Variants in PLPP1 observed in about 807,000 individuals in gnomAD.
PLPP1 encodes the protein lipid phosphate phosphohydrolase 1a.
Under a neutral mutation model 31.2 loss-of-function variants are expected in PLPP1, and 24 were observed. The ratio of observed to expected loss-of-function variants is 0.77; its 90% confidence interval spans 0.56 to 1.08. The LOEUF (loss-of-function observed/expected upper bound fraction) is 1.08. Ranked by LOEUF, PLPP1 falls within the 50% of genes least tolerant of loss-of-function variation. The pLI is 0.00. For missense variants in PLPP1, 319 were observed against 342.7 expected (o/e 0.93, Z 0.55); for synonymous variants, 146 against 126.3 (o/e 1.16, Z -1.05).
rs1753439491 is a variant in PLPP1, at chr5:55,512,478, AAAAAAGAAAG to A, written c.58+22084_58+22093del. Among the ~76,000 whole-genome samples, 2 of 123,682 alleles carry A rather than the reference AAAAAAGAAAG, an allele frequency of 1.6e-5. 1 individual carries two copies. The highest frequency in any genetic ancestry group is 6.9e-5 in the African/African-American group (2 of 29,168). 81.1% of individuals were successfully genotyped at this position (123,682 alleles called of 152,430 possible). A position where few individuals can be genotyped will look rare whatever the true frequency, so the allele number is the denominator to read the frequency against. On this transcript the variant is annotated intron_variant, in intron 1 of 5. Transcript: ENST00000307259. ...AGAGCAAGACTGTCTCAAAAAAAAA[AAAAAAGAAAG>A]AAAGAAAGAAAAGAAAAGAAAAGAA... is the stretch of plus-strand genomic sequence containing the variant.
intron 1 of PLPP1, among the ~76,000 whole-genome samples, chr5:55,529,383 T>G (rs1302217291): frequency 6.6e-6 from 1 of 152,096 alleles, no homozygotes; most frequent in Non-Finnish European, 1.5e-5. Context: ...AAGTTTCTAA[T>G]AAGAGTTTCA....
chr5:55,524,861 G>T (rs1753748092), intron 1 of PLPP1, among the ~76,000 whole-genome samples: 1 of 152,144 alleles, frequency 6.6e-6, no homozygotes, highest in Non-Finnish European at 1.5e-5. Context: ...TATAAGTGGA[G>T]TAATCATTCC....
At position 55,475,316 on chromosome 5, in the gene PLPP1, G is replaced by A; in HGVS notation, c.193C>T (p.Pro65Ser). ...PYALLGGIII[P>S]FSIIVIILGE... is the part of the protein sequence containing the mutation. ...TAACTTACAACGATAATACTGAATG[G>A]AATGATTATTCCACCTAATAACGCA... The change falls in exon 2 of 6, where the codon CCA (proline) becomes TCA (serine). Residue 65 changes from proline (P) to serine (S), a missense_variant. Coordinates refer to ENST00000307259, the MANE Select transcript of PLPP1 (RefSeq NM_003711.4). 1 of 1,610,452 alleles carries A rather than the reference G, an allele frequency of 6.2e-7. No individual in the cohort carries two copies. The highest frequency in any genetic ancestry group is 8.5e-7 in the Non-Finnish European group (1 of 1,178,694).
chr5:55,509,591 G>A (rs942260790), intron 1 of PLPP1, among the ~76,000 whole-genome samples: 10 of 152,250 alleles, frequency 6.6e-5, no homozygotes, highest in African/African-American at 2.2e-4. Context: ...GTAGTTTTAC[G>A]TCAGTAATTG....
At chr5:55,425,621 C>CTAT in intron 5 of PLPP1, 1 of 453,294 alleles carries the variant, frequency 2.2e-6, no homozygotes, top group Non-Finnish European at 3.7e-6. Context: ...CCTAAAAAAA[C>CTAT]TATTTCTAGC....
chr5:55,472,775 G>A (rs957075424), intron 2 of PLPP1, among the ~76,000 whole-genome samples: 2 of 40,550 alleles, frequency 4.9e-5, no homozygotes, highest in Non-Finnish European at 1.3e-4. Flanking sequence ...AAGAGGAAGA[G>A]GAAGAAGAAG....
intron 1 of PLPP1, among the ~76,000 whole-genome samples, chr5:55,498,834 CT>C (rs1753058156): frequency 6.6e-6 from 1 of 152,184 alleles, no homozygotes; most frequent in Admixed American, 6.5e-5. Flanking sequence ...AATAAACAAA[CT>C]GAATATACCC....
chr5:55,525,318 T>C (rs1390678545), intron 1 of PLPP1, among the ~76,000 whole-genome samples: 1 of 152,194 alleles, frequency 6.6e-6, no homozygotes, highest in African/African-American at 2.4e-5. Context: ...GGTACTTTCA[T>C]TATATAGCTA....
chr5:55,477,396 C>CT (rs3070044), intron 1 of PLPP1, among the ~76,000 whole-genome samples: 4,743 of 133,228 alleles, frequency 0.036, 327 homozygotes, highest in African/African-American at 0.12. Flanking sequence ...TTTTTCTTTT[C>CT]TTTTTTTTTT....
chr5:55,438,568 T>C (rs1212422468), intron 4 of PLPP1, among the ~76,000 whole-genome samples: 5 of 151,822 alleles, frequency 3.3e-5, no homozygotes, highest in Non-Finnish European at 5.9e-5. Context: ...ACAAGATGAG[T>C]CATTGCTCAA....
rs532819767 is a variant in PLPP1, at chr5:55,452,277, G to C, written c.492-10369C>G. ...TAGTGCCATCCCCTTGGTGATGAGT[G>C]AGTTCTCACTCAGTTCACATGAGAT... On this transcript the variant is annotated intron_variant, in intron 3 of 5. Transcript: ENST00000307259. 1.7e-4 allele frequency among the ~76,000 whole-genome samples: 26 copies of C among 152,262 alleles called. 1 individual carries two copies. In the South Asian group the frequency reaches 5.0e-3, roughly 29 times the overall value.
chr5:55,429,705 A>G (rs1440512590), intron 4 of PLPP1, among the ~76,000 whole-genome samples: 4 of 151,832 alleles, frequency 2.6e-5, no homozygotes, highest in African/African-American at 4.8e-5. Flanking sequence ...GCATATCCAC[A>G]TCTCTGAAGC....
chr5:55,533,209 C>G (rs2111968946), intron 1 of PLPP1, among the ~76,000 whole-genome samples: 1 of 151,978 alleles, frequency 6.6e-6, no homozygotes, highest in Middle Eastern at 3.4e-3. Context: ...CATGGAGAAA[C>G]CCTGTCTCTA....
At chr5:55,471,174 A>C (rs1561235776) in intron 2 of PLPP1, among the ~76,000 whole-genome samples, 1 of 151,666 alleles carries the variant, frequency 6.6e-6, no homozygotes, top group Non-Finnish European at 1.5e-5. Context: ...TTTTTTTCTC[A>C]AAAGTCAAAA....
At chr5:55,466,007 T>G (rs1319611440) in intron 3 of PLPP1, among the ~76,000 whole-genome samples, 1 of 152,192 alleles carries the variant, frequency 6.6e-6, no homozygotes, top group East Asian at 1.9e-4. Flanking sequence ...TTTTCATCAT[T>G]CCTCAAAGCC....
rs796826102 is a variant in PLPP1, at chr5:55,458,490, A to G, written c.491+9379T>C. On this transcript the variant is annotated intron_variant, in intron 3 of 5. Coordinates refer to ENST00000307259, the MANE Select transcript of PLPP1 (RefSeq NM_003711.4). ...CCTAGAGAAACAACCAAAAAAACAGATAACATGTCAGTAGGATACTTAAAT... is the reference window on the plus strand; with the variant it reads ...CCTAGAGAAACAACCAAAAAAACAGGTAACATGTCAGTAGGATACTTAAAT... Among the ~76,000 whole-genome samples, 7 of 152,334 alleles carry G rather than the reference A, an allele frequency of 4.6e-5. No individual in the cohort carries two copies. In the South Asian group the frequency reaches 1.5e-3, roughly 32 times the overall value.
chr5:55,460,858 T>C (rs1752139427), intron 3 of PLPP1, among the ~76,000 whole-genome samples: 1 of 151,964 alleles, frequency 6.6e-6, no homozygotes, highest in Non-Finnish European at 1.5e-5. Context: ...ATTAATTAAA[T>C]AAATGAATGA....
chr5:55,480,100 T>C (rs371309258), intron 1 of PLPP1, among the ~76,000 whole-genome samples: 6 of 152,220 alleles, frequency 3.9e-5, no homozygotes, highest in African/African-American at 1.4e-4. Context: ...TGACATTTAC[T>C]GAAGATTAAG....
chr5:55,448,727 C>A (rs542033177), intron 3 of PLPP1, among the ~76,000 whole-genome samples: 2 of 152,154 alleles, frequency 1.3e-5, no homozygotes, highest in Non-Finnish European at 2.9e-5. Context: ...GGATTACAGG[C>A]ATGAGCCTCC....
Sources: gnomAD v4.1 joint callset for allele counts (sites outside exome capture counted in the v4.1 genomes callset) on GRCh38, gnomAD v4.1.1 for gene constraint, MANE v1.5 for transcripts, NCBI Gene and HGNC (gene_info 2026-07-23, HGNC 2026-07-21) for gene names.